TENM3: variants seen among roughly 807,000 people sequenced by gnomAD.
The protein encoded by TENM3 is teneurin-3.
A neutral mutation model predicts 255.1 loss-of-function variants in TENM3; 63 were observed. That is an observed-to-expected ratio of 0.25 (90% CI 0.20 to 0.30). The LOEUF (loss-of-function observed/expected upper bound fraction) is 0.30, where lower values mean the gene tolerates loss of function less well. Among genes scored for constraint, TENM3 ranks in the 10% least tolerant of loss-of-function variants. The pLI, the probability that TENM3 is intolerant of heterozygous loss-of-function variation, is 1.00. For missense variants in TENM3, 2,929 were observed against 3,461.1 expected, an observed-to-expected ratio of 0.85 and a Z score of 3.86; for synonymous variants, 1,306 against 1,322.3, an observed-to-expected ratio of 0.99 and a Z score of 0.27.
At chr4:181,957,273 A>T in the TENM3 span, among the ~76,000 whole-genome samples, 1 of 152,204 alleles carries the variant, frequency 6.6e-6, no homozygotes, top group Admixed American at 6.5e-5. Flanking sequence ...TTTGAATTCC[A>T]TGCTCATGGA....
the TENM3 span, among the ~76,000 whole-genome samples, chr4:181,870,816 T>A: frequency 1.3e-5 from 2 of 152,218 alleles, no homozygotes; most frequent in South Asian, 4.1e-4. Context: ...TTTGATGACA[T>A]TGATCAATAT....
the TENM3 span, among the ~76,000 whole-genome samples, chr4:181,676,616 T>A: frequency 6.6e-6 from 1 of 152,094 alleles, no homozygotes. Context: ...ATGGATCATA[T>A]CTTCATTACT....
the TENM3 span, among the ~76,000 whole-genome samples, chr4:181,982,631 C>T: frequency 3.3e-5 from 5 of 152,194 alleles, no homozygotes; most frequent in South Asian, 8.3e-4. Context: ...TAATGCGGCT[C>T]CAAAAGTGCC....
chr4:181,822,910 T>A, the TENM3 span, among the ~76,000 whole-genome samples: 1 of 152,118 alleles, frequency 6.6e-6, no homozygotes, highest in Non-Finnish European at 1.5e-5. Flanking sequence ...CTATCTAAAA[T>A]GAGTTATCCT....
the TENM3 span, among the ~76,000 whole-genome samples, chr4:181,999,762 G>T: frequency 6.6e-6 from 1 of 152,014 alleles, no homozygotes; most frequent in East Asian, 1.9e-4. Flanking sequence ...AAGATGTTTT[G>T]TTATTATGGA....
chr4:182,564,417 G>C (rs1173127267), intron 3 of TENM3, among the ~76,000 whole-genome samples: 1 of 152,048 alleles, frequency 6.6e-6, no homozygotes, highest in African/African-American at 2.4e-5. Flanking sequence ...GCCTCCCAAA[G>C]TGCTGGGATT....
intron 3 of TENM3, among the ~76,000 whole-genome samples, chr4:182,505,698 T>G (rs961668245): frequency 6.6e-6 from 1 of 152,122 alleles, no homozygotes. Context: ...CAGGCTGGTC[T>G]CAAACTCTTG....
the TENM3 span, among the ~76,000 whole-genome samples, chr4:181,766,612 C>T: frequency 6.6e-6 from 1 of 151,610 alleles, no homozygotes; most frequent in African/African-American, 2.4e-5. Context: ...TAGTGTACCA[C>T]CAAAAATGAG....
At chr4:181,579,064 T>C in the TENM3 span, among the ~76,000 whole-genome samples, 1 of 152,174 alleles carries the variant, frequency 6.6e-6, no homozygotes, top group Non-Finnish European at 1.5e-5. Flanking sequence ...CTGGGCTTCC[T>C]GATCACAGGA....
the TENM3 span, among the ~76,000 whole-genome samples, chr4:181,704,522 G>A: frequency 5.3e-5 from 8 of 151,984 alleles, no homozygotes; most frequent in Non-Finnish European, 1.2e-4. Flanking sequence ...AAATAATTTT[G>A]TTCAGATACA....
At position 182,476,192 on chromosome 4, in the gene TENM3, T is replaced by A. The variant is rs528763042; in HGVS notation, c.512-124732T>A. Among the ~76,000 whole-genome samples, 7 of 152,332 alleles carry A rather than the reference T, an allele frequency of 4.6e-5. No homozygotes were observed. The South Asian group carries it at 1.4e-3, about 32-fold the overall frequency. ...CTCCCCAGAGATTTTTAGTGGCTGT[T>A]TAAAATGAATGTCTGTATTTAAACC... On this transcript the variant is annotated intron_variant, in intron 3 of 27. Transcript: ENST00000511685.
At chr4:181,552,270 G>T in the TENM3 span, among the ~76,000 whole-genome samples, 1 of 151,990 alleles carries the variant, frequency 6.6e-6, no homozygotes, top group Admixed American at 6.6e-5. Flanking sequence ...TCATTCTTTG[G>T]CAGAAAACTA....
At chr4:181,789,008 A>G in the TENM3 span, among the ~76,000 whole-genome samples, 1 of 152,204 alleles carries the variant, frequency 6.6e-6, no homozygotes, top group Admixed American at 6.5e-5. Context: ...GTTTAGGTGT[A>G]GAGGTAAGGC....
chr4:181,780,991 T>G, the TENM3 span, among the ~76,000 whole-genome samples: 1 of 152,304 alleles, frequency 6.6e-6, no homozygotes, highest in South Asian at 2.1e-4. Context: ...ATCTCTGTTT[T>G]GGTACCAGTA....
the TENM3 span, among the ~76,000 whole-genome samples, chr4:182,042,761 G>A: frequency 1.3e-5 from 2 of 152,058 alleles, no homozygotes; most frequent in African/African-American, 4.8e-5. Context: ...GAAGTTTAGA[G>A]GGCATGCATA....
At chr4:182,258,862 G>A (rs1169114094) in intron 1 of TENM3, among the ~76,000 whole-genome samples, 1 of 152,152 alleles carries the variant, frequency 6.6e-6, no homozygotes, top group Admixed American at 6.5e-5. Context: ...AGTCTGAGAA[G>A]GACAAAGCTT....
chr4:181,657,471 C>A, the TENM3 span, among the ~76,000 whole-genome samples: 1 of 152,062 alleles, frequency 6.6e-6, no homozygotes, highest in Non-Finnish European at 1.5e-5. Flanking sequence ...CAATAAGATA[C>A]CGTCTAACAC....
intron 3 of TENM3, among the ~76,000 whole-genome samples, chr4:182,362,945 A>G (rs548082657): frequency 9.8e-5 from 15 of 152,330 alleles, no homozygotes; most frequent in Middle Eastern, 3.4e-3. Flanking sequence ...GGTGTTTGCT[A>G]TAGAAAAGTT....
At chr4:181,978,393 A>G in the TENM3 span, among the ~76,000 whole-genome samples, 1 of 152,292 alleles carries the variant, frequency 6.6e-6, no homozygotes, top group East Asian at 1.9e-4. Context: ...TCATGCCTAT[A>G]ATCCCAGCAC....
Sources: gnomAD v4.1 joint callset for allele counts (sites outside exome capture counted in the v4.1 genomes callset) on GRCh38, gnomAD v4.1.1 for gene constraint, MANE v1.5 for transcripts, NCBI Gene and HGNC (gene_info 2026-07-23, HGNC 2026-07-21) for gene names.